Variants in NEK10 observed in about 807,000 individuals in gnomAD.
NEK10 encodes NIMA related kinase 10, also known as serine/threonine-protein kinase Nek10.
Under a neutral mutation model 159.8 loss-of-function variants are expected in NEK10, and 122 were observed. That is an observed-to-expected ratio of 0.76 (90% confidence interval 0.66 to 0.89). NEK10 has a LOEUF of 0.89. Ranked by LOEUF, NEK10 falls within the 40% of genes least tolerant of loss-of-function variation. NEK10 has a pLI of 0.00. For missense variants in NEK10, 1,342 were observed against 1,323.1 expected, an observed-to-expected ratio of 1.01 and a Z score of -0.22; for synonymous variants, 466 against 457.1, an observed-to-expected ratio of 1.02 and a Z score of -0.25.
At chr3:27,313,201 G>A (rs960443158) in intron 7 of NEK10, among the ~76,000 whole-genome samples, 4 of 151,604 alleles carry the variant, frequency 2.6e-5, no homozygotes, top group African/African-American at 4.8e-5. Context: ...GGAGGCAGAG[G>A]TTGCAGTGAG....
intron 1 of NEK10, among the ~76,000 whole-genome samples, chr3:27,361,594 T>C (rs2048690629): frequency 6.6e-6 from 1 of 152,182 alleles, no homozygotes; most frequent in Admixed American, 6.5e-5. Flanking sequence ...CCCTAGTATA[T>C]GCCAGGCACT....
At chr3:27,156,943 T>C (rs1285032152) in intron 30 of NEK10, among the ~76,000 whole-genome samples, 26 of 89,300 alleles carry the variant, frequency 2.9e-4, no homozygotes, top group African/African-American at 1.1e-3. Context: ...TATATATATA[T>C]ATATATATAT....
chr3:27,111,676 AG>A (rs200404461), intron 35 of NEK10, among the ~76,000 whole-genome samples: 15,856 of 152,176 alleles, frequency 0.1, 2,730 homozygotes, highest in African/African-American at 0.36. Flanking sequence ...GATTCAATGT[AG>A]ATTTGTTATC....
intron 11 of NEK10, among the ~76,000 whole-genome samples, chr3:27,306,789 C>A (rs903810472): frequency 6.6e-6 from 1 of 152,192 alleles, no homozygotes; most frequent in East Asian, 1.9e-4. Context: ...AAGTTAGCTA[C>A]ATTTTAAATT....
At chr3:27,349,647 T>G (rs529199004) in intron 3 of NEK10, among the ~76,000 whole-genome samples, 1 of 152,302 alleles carries the variant, frequency 6.6e-6, no homozygotes, top group Non-Finnish European at 1.5e-5. Context: ...ATAAATTCCT[T>G]AGCTTCCTAT....
chr3:27,211,132 C>A (rs1374668590), intron 23 of NEK10, among the ~76,000 whole-genome samples: 2 of 152,180 alleles, frequency 1.3e-5, no homozygotes, highest in Non-Finnish European at 2.9e-5. Flanking sequence ...TCAAATCAGA[C>A]TCAATTTTCA....
In NEK10 at chr3:27,267,515, T is replaced by A. The variant is rs538531600; in HGVS notation, c.2015-11144A>T. Among the ~76,000 whole-genome samples, 3 of 152,330 alleles carry A rather than the reference T, an allele frequency of 2.0e-5. No homozygotes were observed. In the South Asian group the frequency reaches 6.2e-4, roughly 32 times the overall value. The stretch of plus-strand genomic sequence containing the variant: ...TCACATTTTGGTAATTCTCATAATA[T>A]TTCAAACTTTATTATTATTATATCT... On this transcript the variant is annotated intron_variant, in intron 22 of 35. Coordinates refer to ENST00000691995, the MANE Select transcript of NEK10 (RefSeq NM_001394966.1).
intron 30 of NEK10, among the ~76,000 whole-genome samples, chr3:27,147,363 A>C (rs1944402267): frequency 6.6e-6 from 1 of 152,186 alleles, no homozygotes; most frequent in Non-Finnish European, 1.5e-5. Context: ...AGACCAGTAG[A>C]CCATTCTATA....
At chr3:27,208,522 C>A (rs1200071175) in intron 23 of NEK10, among the ~76,000 whole-genome samples, 1 of 152,100 alleles carries the variant, frequency 6.6e-6, no homozygotes, top group African/African-American at 2.4e-5. Flanking sequence ...CCTGGACAAG[C>A]CCACTAATGT....
At chr3:27,351,226 G>A (rs1286394781) in intron 3 of NEK10, among the ~76,000 whole-genome samples, 1 of 152,122 alleles carries the variant, frequency 6.6e-6, no homozygotes, top group Admixed American at 6.6e-5. Flanking sequence ...GCAAAAAGTA[G>A]AAGTCTTTGA....
chr3:27,115,617 C>T (rs532544444), intron 35 of NEK10, among the ~76,000 whole-genome samples: 2 of 152,212 alleles, frequency 1.3e-5, no homozygotes, highest in African/African-American at 4.8e-5. Context: ...TAGAATGAGA[C>T]AAACAAATAT....
intron 25 of NEK10, among the ~76,000 whole-genome samples, chr3:27,196,350 C>T (rs368484809): frequency 8.5e-5 from 13 of 152,282 alleles, no homozygotes; most frequent in African/African-American, 2.2e-4. Flanking sequence ...TTTTTGGAGA[C>T]GTGAGTCTGC....
chr3:27,324,304 T>A (rs1222834616), intron 5 of NEK10, among the ~76,000 whole-genome samples: 1 of 152,216 alleles, frequency 6.6e-6, no homozygotes, highest in Non-Finnish European at 1.5e-5. Flanking sequence ...GCATTTCACA[T>A]CAGTTGTTGA....
intron 4 of NEK10, among the ~76,000 whole-genome samples, chr3:27,344,671 A>G (rs1427046287): frequency 6.6e-6 from 1 of 152,182 alleles, no homozygotes; most frequent in Non-Finnish European, 1.5e-5. Flanking sequence ...CTAATGGCTA[A>G]AATTGGTTGG....
intron 32 of NEK10, among the ~76,000 whole-genome samples, chr3:27,129,371 A>G (rs961950232): frequency 6.6e-6 from 1 of 151,998 alleles, no homozygotes; most frequent in Non-Finnish European, 1.5e-5. Context: ...AATCAAGTGC[A>G]TTTACGGGCT....
intron 23 of NEK10, among the ~76,000 whole-genome samples, chr3:27,229,749 C>T (rs1459079299): frequency 6.6e-6 from 1 of 151,864 alleles, no homozygotes; most frequent in African/African-American, 2.4e-5. Context: ...CAACAATAGA[C>T]TAGAACATGT....
At chr3:27,164,006 T>A (rs549110017) in intron 29 of NEK10, among the ~76,000 whole-genome samples, 1 of 152,234 alleles carries the variant, frequency 6.6e-6, no homozygotes, top group East Asian at 1.9e-4. Context: ...CACCTATGAG[T>A]TTCTTCCCTG....
chr3:27,327,271 C>T (rs943730205), intron 5 of NEK10, among the ~76,000 whole-genome samples: 14 of 151,842 alleles, frequency 9.2e-5, no homozygotes, highest in African/African-American at 3.4e-4. Flanking sequence ...GGCATGGGGG[C>T]AGCCCTGAGA....
At chr3:27,254,113 C>A (rs1316248666) in intron 23 of NEK10, among the ~76,000 whole-genome samples, 1 of 152,194 alleles carries the variant, frequency 6.6e-6, no homozygotes, top group African/African-American at 2.4e-5. Flanking sequence ...GCTAGTCCAA[C>A]CCCCGGCCCA....
Sources: gnomAD v4.1 joint callset for allele counts (sites outside exome capture counted in the v4.1 genomes callset) on GRCh38, gnomAD v4.1.1 for gene constraint, MANE v1.5 for transcripts, NCBI Gene and HGNC (gene_info 2026-07-23, HGNC 2026-07-21) for gene names.